Variants in COL4A4 observed in about 807,000 individuals in gnomAD.
COL4A4 encodes the protein collagen alpha-4(IV) chain.
Under a neutral mutation model 192.9 loss-of-function variants are expected in COL4A4, and 105 were observed. The ratio of observed to expected loss-of-function variants is 0.54; its 90% CI spans 0.46 to 0.64. The LOEUF (loss-of-function observed/expected upper bound fraction) is 0.64, where lower values mean the gene tolerates loss of function less well. COL4A4 is among the 30% of genes least tolerant of loss of function. The pLI is 0.00. For missense variants in COL4A4, 1,967 were observed against 2,169.3 expected (o/e 0.91, Z 1.85); for synonymous variants, 762 against 769.9 (o/e 0.99, Z 0.17).
chr2:227,030,707 A>G (rs1270347819), intron 40 of COL4A4, 109 bp from the exon 41 acceptor site: 2 of 776,134 alleles, frequency 2.6e-6, no homozygotes, highest in Admixed American at 6.0e-5. Context: ...CAAGCAAGGA[A>G]TAAAGAGAAT....
intron 19 of COL4A4, among the ~76,000 whole-genome samples, chr2:227,097,392 T>G (rs553402732): frequency 6.6e-6 from 1 of 152,352 alleles, no homozygotes; most frequent in East Asian, 1.9e-4. Flanking sequence ...GATACATACA[T>G]GTTTGTGTAA....
intron 32 of COL4A4, among the ~76,000 whole-genome samples, 170 bp from the exon 33 acceptor site, chr2:227,051,328 G>A (rs541476608): frequency 3.8e-4 from 58 of 152,344 alleles, no homozygotes; most frequent in African/African-American, 1.3e-3. Context: ...CCTCATTGAT[G>A]AAAGAAGCTG....
At chr2:227,026,115 A>C (rs1013067061) in intron 42 of COL4A4, among the ~76,000 whole-genome samples, 1 of 152,150 alleles carries the variant, frequency 6.6e-6, no homozygotes, top group African/African-American at 2.4e-5. Flanking sequence ...AATTTAATGC[A>C]TGTAGGAATT....
the COL4A4 span, among the ~76,000 whole-genome samples, chr2:226,983,957 T>C: frequency 6.6e-6 from 1 of 152,180 alleles, no homozygotes; most frequent in African/African-American, 2.4e-5. Flanking sequence ...GGGGATCTTG[T>C]TATTTGTGAA....
At chr2:227,108,517 C>T (rs1333997680) in intron 12 of COL4A4, 64 bp downstream of exon 12, 3 of 1,482,182 alleles carry the variant, frequency 2.0e-6, no homozygotes, top group African/African-American at 2.8e-5. Context: ...ATCAGAACAG[C>T]CTCCACCCCT....
intron 12 of COL4A4, among the ~76,000 whole-genome samples, chr2:227,105,783 C>T (rs762179119): frequency 6.6e-6 from 1 of 152,032 alleles, no homozygotes; most frequent in African/African-American, 2.4e-5. Flanking sequence ...CAAACCAGGC[C>T]CTTACTGGCT....
intron 47 of COL4A4, 80 bp from the exon 48 acceptor site, chr2:227,007,668 G>T (rs1162971389): frequency 1.4e-5 from 22 of 1,572,032 alleles, no homozygotes; most frequent in African/African-American, 2.7e-5. Context: ...ACCCAGGTTT[G>T]GGTCTGATCT....
rs753210825 is a variant in COL4A4 at position 227,060,179 on chromosome 2, G to T, written c.2121C>A (p.Gly707=). The T allele has an allele frequency of 6.2e-7, 1 of 1,608,334 alleles. No individual in the cohort carries two copies. The highest frequency in any genetic ancestry group is 1.4e-5 in the African/African-American group (1 of 73,416). The change falls in exon 27 of 48, where the codon GGC becomes GGA. Residue 707 remains glycine (G), a synonymous_variant. Transcript: ENST00000396625. ...PGLSGSDGHK[G]RPGTPGTAEI... ...CCGCTGTTCCTGGTGTGCCAGGTCT[G>T]CCTTTATGCCCATCTGAACCACTCA...
chr2:227,097,657 CA>C (rs1358765782), intron 19 of COL4A4, among the ~76,000 whole-genome samples: 1 of 152,116 alleles, frequency 6.6e-6, no homozygotes, highest in Non-Finnish European at 1.5e-5. Flanking sequence ...GCTTTCTGAC[CA>C]ACGGAATACT....
chr2:227,140,324 G>T, intron 3 of COL4A4, 86 bp from the exon 4 acceptor site: 3 of 1,101,666 alleles, frequency 2.7e-6, no homozygotes, highest in Non-Finnish European at 2.8e-6. Flanking sequence ...AGCACTCTTG[G>T]TTTACCTTTG....
rs1576377107 is a variant in COL4A4, at chr2:227,081,978, G to A, written c.1696+137C>T. 8.7e-6 allele frequency: 7 copies of A among 800,380 alleles called. No homozygotes were observed. In the Admixed American group the frequency reaches 1.1e-4, roughly 12 times the overall value. 49.6% of individuals were successfully genotyped at this position (800,380 alleles called of 1,614,324 possible). Reference sequence around the variant, plus strand: ...ATTCATACAACCTTATGAAGGGCAGGAAGTATTTTTTTAAGTAATCTCAAC... The same window carrying A: ...ATTCATACAACCTTATGAAGGGCAGAAAGTATTTTTTTAAGTAATCTCAAC... On this transcript the variant is annotated intron_variant, in intron 23 of 47. Coordinates refer to ENST00000396625, the MANE Select transcript of COL4A4 (RefSeq NM_000092.5).
the COL4A4 span, among the ~76,000 whole-genome samples, chr2:226,987,126 A>G: frequency 4.6e-5 from 7 of 152,328 alleles, no homozygotes; most frequent in South Asian, 2.1e-4. Context: ...GAGTTGAACA[A>G]TGAGAACACA....
At chr2:227,001,560 A>C (rs1394052635), downstream of COL4A4, among the ~76,000 whole-genome samples, 1 of 152,154 alleles carries the variant, frequency 6.6e-6, no homozygotes, top group Non-Finnish European at 1.5e-5. Flanking sequence ...TCTATTTTCT[A>C]ACCAATTCAC....
At chr2:227,025,716 T>C in intron 43 of COL4A4, 86 bp downstream of exon 43, 1 of 1,210,456 alleles carries the variant, frequency 8.3e-7, no homozygotes, top group Non-Finnish European at 1.2e-6. Context: ...AAAGTTTAGC[T>C]CACACATACA....
intron 4 of COL4A4, among the ~76,000 whole-genome samples, chr2:227,124,560 T>C (rs1482950846): frequency 6.6e-6 from 1 of 152,208 alleles, no homozygotes; most frequent in Non-Finnish European, 1.5e-5. Context: ...TCCATATAAA[T>C]GCTAAAAGCT....
chr2:227,002,218 G>GCACTC (rs912421532), downstream of COL4A4, among the ~76,000 whole-genome samples: 2 of 149,348 alleles, frequency 1.3e-5, no homozygotes, highest in African/African-American at 4.9e-5. Context: ...TTGAATATCT[G>GCACTC]CACTCCACCT....
chr2:227,130,425 C>A (rs115235466), intron 4 of COL4A4, among the ~76,000 whole-genome samples: 1,881 of 152,322 alleles, frequency 0.012, 30 homozygotes, highest in African/African-American at 0.042. Flanking sequence ...CTAAGGGCTC[C>A]TGGTAAGCTC....
intron 4 of COL4A4, among the ~76,000 whole-genome samples, chr2:227,121,603 T>G (rs60345141): frequency 0.026 from 3,432 of 130,234 alleles, 120 homozygotes; most frequent in African/African-American, 0.095. Context: ...CAAGAAAAGA[T>G]AAAAGGAAAA....
At chr2:227,138,355 C>T (rs2062961569) in intron 4 of COL4A4, among the ~76,000 whole-genome samples, 1 of 150,106 alleles carries the variant, frequency 6.7e-6, no homozygotes, top group Non-Finnish European at 1.5e-5. Flanking sequence ...GGTCTCTGGC[C>T]TGGTGCAGTG....
Sources: allele counts gnomAD v4.1 joint callset (sites outside exome capture counted in the v4.1 genomes callset), GRCh38; gene constraint gnomAD v4.1.1; transcripts MANE v1.5; gene names NCBI Gene and HGNC (gene_info 2026-07-23, HGNC 2026-07-21).